Variants in UFC1 observed in about 807,000 individuals in gnomAD.
UFC1 encodes the protein ubiquitin-fold modifier-conjugating enzyme 1.
In UFC1, 22 loss-of-function variants were observed where a neutral mutation model predicts 28.0. The ratio of observed to expected loss-of-function variants is 0.78; its 90% CI spans 0.56 to 1.12. The LOEUF (loss-of-function observed/expected upper bound fraction) is 1.12, where lower values mean the gene tolerates loss of function less well. UFC1 is among the 50% of genes most tolerant of loss of function. The pLI, the probability that UFC1 is intolerant of heterozygous loss-of-function variation, is 0.00. For synonymous variants in UFC1, 61 were observed against 74.5 expected, an observed-to-expected ratio of 0.82 and a Z score of 0.93; for missense variants, 189 against 207.8, an observed-to-expected ratio of 0.91 and a Z score of 0.56.
In UFC1 at chr1:161,154,154, T is replaced by C. The variant is rs759146535; in HGVS notation, c.123+34T>C. The C allele has an allele frequency of 3.7e-6, 6 of 1,612,796 alleles. No individual in the cohort carries two copies. In the African/African-American group the frequency reaches 5.3e-5, roughly 14 times the overall value. ...TGTTTCTACAGTCTAACGCGTAGCA[T>C]AAGGGTTGGGAGAAATCAGGTGTCC... On this transcript the variant is annotated intron_variant, in intron 1 of 5. Transcript: ENST00000368003.
intron 4 of UFC1, chr1:161,157,905 G>GAAA: frequency 5.6e-6 from 3 of 535,650 alleles, no homozygotes; most frequent in Non-Finnish European, 9.8e-6. Context: ...AAGATGTAAG[G>GAAA]AAAAAAAAAA....
chr1:161,155,098 C>T (rs1288714124), intron 1 of UFC1, among the ~76,000 whole-genome samples: 4 of 152,052 alleles, frequency 2.6e-5, no homozygotes, highest in Admixed American at 1.3e-4. Context: ...CATTATAATA[C>T]AGTGTTTAAG....
At chr1:161,154,236 T>C in intron 1 of UFC1, 116 bp downstream of exon 1, 1 of 1,491,150 alleles carries the variant, frequency 6.7e-7, no homozygotes, top group South Asian at 1.3e-5. Context: ...ACGCCCAAAT[T>C]CATAGAAATG....
At chr1:161,156,880 T>C in intron 1 of UFC1, 70 bp from the exon 2 acceptor site, 1 of 1,305,982 alleles carries the variant, frequency 7.7e-7, no homozygotes, top group Non-Finnish European at 1.1e-6. Flanking sequence ...CCACATACTT[T>C]TCTTTTGAGG....
In UFC1 at chr1:161,158,565, T is replaced by C; in HGVS notation, c.*73T>C. The stretch of plus-strand genomic sequence containing the variant: ...ATACTATTTTCCTGTGCATCACACT[T>C]AACTCATCTAACTGCTTCCCCGGAC... On this transcript the variant is annotated 3_prime_UTR_variant, in exon 6 of 6. Transcript: ENST00000368003. 6.1e-6 allele frequency: 9 copies of C among 1,487,480 alleles called. No homozygotes were observed. The highest frequency in any genetic ancestry group is 7.5e-6 in the Non-Finnish European group (8 of 1,068,448). The allele number at this position is 1,487,480 out of a possible 1,614,324, so 92.1% of individuals were successfully genotyped here.
At chr1:161,158,015 C>T (rs914404521) in intron 4 of UFC1, 106 bp from the exon 5 acceptor site, 9 of 1,022,980 alleles carry the variant, frequency 8.8e-6, no homozygotes, top group Non-Finnish European at 1.2e-5. Context: ...CTTAGCTGAA[C>T]TTGTTCTCAA....
chr1:161,156,990 G>T lies in UFC1; in HGVS notation c.164G>T (p.Arg55Leu). The T allele has an allele frequency of 1.2e-6, 2 of 1,614,168 alleles. No homozygotes were observed. The highest frequency in any genetic ancestry group is 2.2e-5 in the South Asian group (2 of 91,036). Residue 55 changes from arginine to leucine, a missense_variant, in exon 2 of 6, where the codon CGA becomes CTA. Coordinates refer to ENST00000368003, the MANE Select transcript of UFC1 (RefSeq NM_016406.4). ...AAGAATGCTGACAACGATTGGTTCC[G>T]ACTGGAGTCCAACAAGGAAGGAACT... ...NNKNADNDWFRLESNKEGTRW... is the reference protein window; with the variant it reads ...NNKNADNDWFLLESNKEGTRW...
chr1:161,158,572 TC>T lies in UFC1; in HGVS notation c.*81del. On this transcript the variant is annotated 3_prime_UTR_variant, in exon 6 of 6. Transcript: ENST00000368003. ...TTTCCTGTGCATCACACTTAACTCA[TC>T]TAACTGCTTCCCCGGACACCCTCCA... 6.8e-7 allele frequency: 1 copy of T among 1,465,634 alleles called. No individual in the cohort carries two copies. Among genetic ancestry groups the T allele is most frequent in the Non-Finnish European group, 9.5e-7 (1 of 1,050,624 alleles). 90.8% of individuals were successfully genotyped at this position (1,465,634 alleles called of 1,614,324 possible). A position where few individuals can be genotyped will look rare whatever the true frequency, so the allele number is the denominator to read the frequency against.
At position 161,158,585 on chromosome 1, in the gene UFC1, C is replaced by T; in HGVS notation, c.*93C>T. 7.4e-7 allele frequency: 1 copy of T among 1,356,336 alleles called. No individual in the cohort carries two copies. The highest frequency in any genetic ancestry group is 1.0e-6 in the Non-Finnish European group (1 of 957,928). The allele number at this position is 1,356,336 out of a possible 1,614,324, so 84.0% of individuals were successfully genotyped here. On this transcript the variant is annotated 3_prime_UTR_variant, in exon 6 of 6. Transcript: ENST00000368003. ...ACACTTAACTCATCTAACTGCTTCCCCGGACACCCTCCACCTCTAGTTGTT... is the reference window on the plus strand; with the variant it reads ...ACACTTAACTCATCTAACTGCTTCCTCGGACACCCTCCACCTCTAGTTGTT...
intron 2 of UFC1, 102 bp from the exon 3 acceptor site, chr1:161,157,152 G>A (rs1169493221): frequency 1.0e-5 from 16 of 1,546,074 alleles, no homozygotes; most frequent in Admixed American, 3.3e-5. Context: ...GAGTTCCCCA[G>A]TTCCCATCCT....
intron 1 of UFC1, among the ~76,000 whole-genome samples, chr1:161,155,065 T>TA (rs1657471360): frequency 1.3e-5 from 2 of 152,262 alleles, no homozygotes; most frequent in East Asian, 3.9e-4. Context: ...AGGAGGAACT[T>TA]ACTGAGGTAG....
intron 3 of UFC1, 52 bp downstream of exon 3, chr1:161,157,369 G>T (rs765581329): frequency 2.5e-6 from 4 of 1,599,928 alleles, no homozygotes; most frequent in African/African-American, 2.7e-5. Flanking sequence ...GGAGGGATTA[G>T]ATGATGGGTA....
rs2101792583 is a variant in UFC1 at position 161,158,159 on chromosome 1, T to C, written c.371T>C (p.Leu124Ser). 6.2e-7 allele frequency: 1 copy of C among 1,614,226 alleles called. No individual in the cohort carries two copies. Among genetic ancestry groups the C allele is most frequent in the South Asian group, 1.1e-5 (1 of 91,086 alleles). Residue 124 changes from leucine to serine, a missense_variant, in exon 5 of 6, where the codon TTG (leucine) becomes TCG (serine). By Grantham distance (145) the Leu-to-Ser change is moderately radical (BLOSUM62 -2). Coordinates refer to ENST00000368003, the MANE Select transcript of UFC1 (RefSeq NM_016406.4). The stretch of plus-strand genomic sequence containing the variant: ...TGCCTGACGGATCATTTCAAACCTT[T>C]GTGGGCCAGGAATGTGCCCAAATTT... ...KICLTDHFKP[L>S]WARNVPKFGL... is the part of the protein sequence containing the mutation.
At position 161,158,489 on chromosome 1, in the gene UFC1, A is replaced by G. The variant is rs768377819; in HGVS notation, c.501A>G (p.Gln167=). Residue 167 remains glutamine (Q), a synonymous_variant, in exon 6 of 6, where the codon CAA becomes CAG. Transcript: ENST00000368003. ...GVIQHKEKCN[Q] ...TCCAACACAAAGAGAAATGCAACCA[A>G]TGAAGAATCAAGCCACTGAGGCAGG... 3 of 1,614,166 alleles carry G rather than the reference A, an allele frequency of 1.9e-6. No individual in the cohort carries two copies. Among genetic ancestry groups the G allele is most frequent in the East Asian group, 4.5e-5 (2 of 44,882 alleles).
intron 1 of UFC1, among the ~76,000 whole-genome samples, chr1:161,154,655 T>G (rs994679005): frequency 1.3e-5 from 2 of 152,176 alleles, no homozygotes. Context: ...CAGCTAATTT[T>G]TGTATTTTCA....
At chr1:161,156,257 G>A (rs547326271) in intron 1 of UFC1, among the ~76,000 whole-genome samples, 11 of 152,222 alleles carry the variant, frequency 7.2e-5, no homozygotes, top group South Asian at 6.2e-4. Flanking sequence ...TAGGCTGGGC[G>A]TGGTGGCTCA....
intron 4 of UFC1, chr1:161,157,905 G>GAA (rs144506905): frequency 4.4e-4 from 237 of 534,192 alleles, no homozygotes; most frequent in Middle Eastern, 9.2e-4. Context: ...AAGATGTAAG[G>GAA]AAAAAAAAAA....
intron 4 of UFC1, 126 bp downstream of exon 4, chr1:161,157,819 T>C (rs2101791649): frequency 1.2e-6 from 1 of 801,046 alleles, no homozygotes; most frequent in East Asian, 2.7e-5. Flanking sequence ...GATGGGATGA[T>C]CTATGTGTAA....
intron 1 of UFC1, among the ~76,000 whole-genome samples, chr1:161,155,704 T>G (rs1442012760): frequency 6.6e-6 from 1 of 152,202 alleles, no homozygotes; most frequent in Non-Finnish European, 1.5e-5. Context: ...AAAATTAGCA[T>G]AACATGGATT....
Sources: allele counts gnomAD v4.1 joint callset (sites outside exome capture counted in the v4.1 genomes callset), GRCh38; gene constraint gnomAD v4.1.1; transcripts MANE v1.5; gene names NCBI Gene and HGNC (gene_info 2026-07-23, HGNC 2026-07-21).